Variants in SLC5A1 observed in about 807,000 individuals in gnomAD.
SLC5A1 encodes the protein sodium/glucose cotransporter 1.
A neutral mutation model predicts 73.5 loss-of-function variants in SLC5A1; 42 were observed. The observed-to-expected ratio is 0.57, with a 90% CI of 0.45 to 0.74. The LOEUF (loss-of-function observed/expected upper bound fraction) is 0.74, where lower values mean the gene tolerates loss of function less well. Among genes scored for constraint, SLC5A1 ranks in the 30% least tolerant of loss-of-function variants. The probability of loss-of-function intolerance (pLI) is 0.00; values close to 1 mark genes in which losing one functional copy is unlikely to be tolerated. For missense variants in SLC5A1, 634 were observed against 855.4 expected (o/e 0.74, Z 3.23); for synonymous variants, 300 against 317.4 (o/e 0.95, Z 0.58).
chr22:32,098,797 C>T (rs896103577), intron 11 of SLC5A1, among the ~76,000 whole-genome samples: 3 of 151,942 alleles, frequency 2.0e-5, no homozygotes, highest in Admixed American at 6.6e-5. Context: ...AATATATACT[C>T]ATGTAGAGGC....
At chr22:32,076,943 C>A (rs130407) in intron 5 of SLC5A1, among the ~76,000 whole-genome samples, 80,065 of 152,078 alleles carry the variant, frequency 0.53, 24,285 homozygotes, top group East Asian at 0.84. Context: ...ATCCAACACA[C>A]GATCTATTTT....
chr22:32,057,370 G>C (rs998742234), intron 2 of SLC5A1, among the ~76,000 whole-genome samples: 1 of 152,128 alleles, frequency 6.6e-6, no homozygotes, highest in South Asian at 2.1e-4. Flanking sequence ...GGGCTCAAAG[G>C]ATCCTCCTTC....
chr22:32,089,731 G>C (rs766464189), intron 10 of SLC5A1, among the ~76,000 whole-genome samples: 9 of 152,180 alleles, frequency 5.9e-5, no homozygotes, highest in Admixed American at 1.3e-4. Flanking sequence ...ATAGAGATGG[G>C]CAGAGGAATG....
Position 32,079,559 on chromosome 22 carries a change from G to A in SLC5A1, c.478-2307G>A, listed in dbSNP as rs1322858914. Among the ~76,000 whole-genome samples the A allele has an allele frequency of 5.3e-5, 8 of 152,174 alleles. No homozygotes were observed. The South Asian group carries it at 1.5e-3, about 28-fold the overall frequency. On this transcript the variant is annotated intron_variant, in intron 5 of 14. Transcript: ENST00000266088. Reference sequence around the variant, plus strand: ...TATTAATGAGGGTATCACAGTCTACGATGGCATGTTGTCATAAAGCATTAA... The same window carrying A: ...TATTAATGAGGGTATCACAGTCTACAATGGCATGTTGTCATAAAGCATTAA...
In SLC5A1 at chr22:32,102,174, C is replaced by G; in HGVS notation, c.1602C>G (p.Phe534Leu). Residue 534 changes from phenylalanine (F) to leucine (L), a missense_variant, in exon 13 of 15, where the codon TTC becomes TTG. By Grantham distance (22) the Phe-to-Leu change is conservative (BLOSUM62 0). Around this residue, in one of 3 missense-constraint regions of SLC5A1, gnomAD observed 161 missense variants for 178.7 expected, o/e 0.90. Transcript: ENST00000266088. ...ACTTGTACTTTGCCATTATCCTCTT[C>G]GCCATTTCTTTCATCACCATCGTGG... ...VHYLYFAIIL[F>L]AISFITIVVI... 1 of 1,614,112 alleles carries G rather than the reference C, an allele frequency of 6.2e-7. No individual in the cohort carries two copies.
At chr22:32,076,208 C>A (rs1316232692) in intron 5 of SLC5A1, among the ~76,000 whole-genome samples, 1 of 152,166 alleles carries the variant, frequency 6.6e-6, no homozygotes, top group Admixed American at 6.5e-5. Flanking sequence ...CAGATGTGGC[C>A]CAGGCCATTG....
In SLC5A1 at chr22:32,102,010, T is replaced by C. The variant is rs1237584958; in HGVS notation, c.1450-12T>C. 5 of 1,607,610 alleles carry C rather than the reference T, an allele frequency of 3.1e-6. No individual in the cohort carries two copies. The highest frequency in any genetic ancestry group is 4.3e-6 in the Non-Finnish European group (5 of 1,174,208). On this transcript the variant is annotated splice_polypyrimidine_tract_variant and intron_variant, in intron 12 of 14. Coordinates refer to ENST00000266088, the MANE Select transcript of SLC5A1 (RefSeq NM_000343.4). The stretch of plus-strand genomic sequence containing the variant: ...TGTTCAGCATGAGTTAACCCAGGGT[T>C]TTCTTTCACAGGGAGCCTTTTGGGG...
In SLC5A1 at chr22:32,053,061, T is replaced by G. The variant is rs145738918; in HGVS notation, c.207+3047T>G. On this transcript the variant is annotated intron_variant, in intron 2 of 14. Transcript: ENST00000266088. The stretch of plus-strand genomic sequence containing the variant: ...GTAAAACTGGAAAAGGAAGCCTTAA[T>G]CAGAGTTCCCAATTTCAGCCCACAC... Among the ~76,000 whole-genome samples the G allele has an allele frequency of 1.1e-3, 163 of 152,326 alleles. 1 individual carries two copies. Among genetic ancestry groups the G allele is most frequent in the African/African-American group, 3.8e-3 (157 of 41,576 alleles).
intron 11 of SLC5A1, among the ~76,000 whole-genome samples, chr22:32,092,312 T>C (rs1447929945): frequency 6.6e-6 from 1 of 152,236 alleles, no homozygotes; most frequent in African/African-American, 2.4e-5. Context: ...TTCCATCATA[T>C]GTATATATAC....
Position 32,110,402 on chromosome 22 carries a change from A to G in SLC5A1, c.*189A>G, listed in dbSNP as rs201392646. The G allele has an allele frequency of 5.6e-5, 36 of 643,616 alleles. No homozygotes were observed. The highest frequency in any genetic ancestry group is 4.8e-5 in the Non-Finnish European group (17 of 353,520). The allele number at this position is 643,616 out of a possible 1,614,324, so 39.9% of individuals were successfully genotyped here. On this transcript the variant is annotated 3_prime_UTR_variant, in exon 15 of 15. Transcript: ENST00000266088. ...GCTGTTAATTTATGCATTTGAAGCCAGTGTGATACAGCCATCTGTACCTAC... is the reference window on the plus strand; with the variant it reads ...GCTGTTAATTTATGCATTTGAAGCCGGTGTGATACAGCCATCTGTACCTAC...
At chr22:32,093,576 TTCTC>T (rs749894719) in intron 11 of SLC5A1, among the ~76,000 whole-genome samples, 14 of 151,638 alleles carry the variant, frequency 9.2e-5, no homozygotes, top group South Asian at 2.1e-4. Context: ...TTCTTTTCTC[TTCTC>T]TCTCTTTCTT....
chr22:32,087,998 A>G lies in SLC5A1; in HGVS notation c.1129+1671A>G, dbSNP rs2094010961. Reference sequence around the variant, plus strand: ...AATTAAAAAACTACAAACTTCATGCATGACTTTGGGCAAACCATTTGCATT... The same window carrying G: ...AATTAAAAAACTACAAACTTCATGCGTGACTTTGGGCAAACCATTTGCATT... On this transcript the variant is annotated intron_variant, in intron 10 of 14. Transcript: ENST00000266088. 2.0e-5 allele frequency among the ~76,000 whole-genome samples: 3 copies of G among 152,318 alleles called. No homozygotes were observed. The South Asian group carries it at 6.2e-4, about 32-fold the overall frequency.
At chr22:32,052,717 T>C (rs984006177) in intron 2 of SLC5A1, among the ~76,000 whole-genome samples, 1 of 152,172 alleles carries the variant, frequency 6.6e-6, no homozygotes, top group African/African-American at 2.4e-5. Flanking sequence ...TACGCTTTTC[T>C]TAATTTTTTT....
At chr22:32,082,970 T>A in intron 6 of SLC5A1, 104 bp from the exon 7 acceptor site, 1 of 927,250 alleles carries the variant, frequency 1.1e-6, no homozygotes, top group Non-Finnish European at 1.6e-6. Flanking sequence ...GTGGGGATGT[T>A]CTCAGAAGGC....
chr22:32,049,103 T>C (rs1490194898), intron 1 of SLC5A1, among the ~76,000 whole-genome samples: 2 of 144,616 alleles, frequency 1.4e-5, no homozygotes, highest in African/African-American at 5.1e-5. Context: ...TATATATATA[T>C]ATATATATAA....
At chr22:32,103,699 G>A (rs1434239021) in intron 13 of SLC5A1, among the ~76,000 whole-genome samples, 1 of 152,164 alleles carries the variant, frequency 6.6e-6, no homozygotes, top group African/African-American at 2.4e-5. Context: ...TCTACTCAGG[G>A]AAACCCAAAA....
chr22:32,085,187 C>A, intron 9 of SLC5A1, 152 bp downstream of exon 9: 1 of 946,998 alleles, frequency 1.1e-6, no homozygotes, highest in Non-Finnish European at 1.7e-6. Context: ...GTGATCATTG[C>A]TCACTGCAGT....
chr22:32,067,175 C>A, intron 3 of SLC5A1, 136 bp downstream of exon 3: 1 of 698,726 alleles, frequency 1.4e-6, no homozygotes, highest in South Asian at 1.5e-5. Flanking sequence ...AGAGGAGGGG[C>A]ATGACTTCAG....
chr22:32,064,382 G>A (rs1897443253), intron 2 of SLC5A1, among the ~76,000 whole-genome samples: 1 of 152,022 alleles, frequency 6.6e-6, no homozygotes, highest in African/African-American at 2.4e-5. Flanking sequence ...TGTAGTCCCA[G>A]CTACTTGGGA....
Sources: allele counts gnomAD v4.1 joint callset (sites outside exome capture counted in the v4.1 genomes callset), GRCh38; gene constraint gnomAD v4.1.1; regional missense constraint gnomAD v4.1.1; transcripts MANE v1.5; gene names NCBI Gene and HGNC (gene_info 2026-07-23, HGNC 2026-07-21).